Variants in MAGI2 observed in about 807,000 individuals in gnomAD.
MAGI2 encodes the protein membrane-associated guanylate kinase, WW and PDZ domain-containing protein 2.
Under a neutral mutation model 133.3 loss-of-function variants are expected in MAGI2, and 35 were observed. The ratio of observed to expected loss-of-function variants is 0.26; its 90% CI spans 0.20 to 0.35. The LOEUF (loss-of-function observed/expected upper bound fraction) is 0.35. Among genes scored for constraint, MAGI2 ranks in the 10% least tolerant of loss-of-function variants. The pLI, the probability that MAGI2 is intolerant of heterozygous loss-of-function variation, is 1.00. For synonymous variants in MAGI2, 729 were observed against 710.6 expected (o/e 1.03, Z -0.41); for missense variants, 1,636 against 1,863.4 (o/e 0.88, Z 2.25).
chr7:78,741,638 G>A (rs1036496304), intron 2 of MAGI2, among the ~76,000 whole-genome samples: 3 of 152,070 alleles, frequency 2.0e-5, no homozygotes, highest in Non-Finnish European at 4.4e-5. Context: ...AGGCTCTAGA[G>A]TTAGTGGAAT....
At chr7:79,314,384 C>T (rs1316880326) in intron 1 of MAGI2, among the ~76,000 whole-genome samples, 4 of 152,238 alleles carry the variant, frequency 2.6e-5, no homozygotes, top group African/African-American at 9.6e-5. Flanking sequence ...GCTGAGATTA[C>T]GGGAATAAGC....
At chr7:79,405,254 A>T (rs1202177490) in intron 1 of MAGI2, among the ~76,000 whole-genome samples, 1 of 152,156 alleles carries the variant, frequency 6.6e-6, no homozygotes, top group Non-Finnish European at 1.5e-5. Context: ...TTTGTTCTTG[A>T]CACAGCCATG....
intron 10 of MAGI2, among the ~76,000 whole-genome samples, chr7:78,237,742 G>C (rs998774528): frequency 2.0e-5 from 3 of 152,034 alleles, no homozygotes; most frequent in African/African-American, 7.2e-5. Context: ...GATCACCCAG[G>C]ATAATAATGA....
chr7:78,658,704 A>G (rs766277975), intron 2 of MAGI2, among the ~76,000 whole-genome samples: 1 of 152,234 alleles, frequency 6.6e-6, no homozygotes, highest in Non-Finnish European at 1.5e-5. Context: ...AAATAAGCAC[A>G]TACAATAATG....
Position 78,167,976 on chromosome 7 carries a change from G to A in MAGI2, c.2536C>T (p.His846Tyr). Residue 846 changes from histidine to tyrosine, a missense_variant, in exon 15 of 22, where the codon CAC (histidine) becomes TAC (tyrosine). Physicochemically the swap from His to Tyr is moderately conservative, Grantham distance 83. Coordinates refer to ENST00000354212, the MANE Select transcript of MAGI2 (RefSeq NM_012301.4). ...ACCTGCCCATTGCGGGCTGCGTGGT[G>A]CATGAGGTCGATGACATAGCGGTGG... ...KTHRYVIDLM[H>Y]HAARNGQVNL... 2 of 1,614,144 alleles carry A rather than the reference G, an allele frequency of 1.2e-6. No homozygotes were observed. Among genetic ancestry groups the A allele is most frequent in the Non-Finnish European group, 1.7e-6 (2 of 1,180,028 alleles).
chr7:79,135,989 A>AAGACAGAGAGAGAG (rs1281715899), intron 1 of MAGI2, among the ~76,000 whole-genome samples: 8 of 47,874 alleles, frequency 1.7e-4, no homozygotes, highest in African/African-American at 3.7e-4. Flanking sequence ...GAAAGAAAGA[A>AAGACAGAGAGAGAG]AGAAAGAAAG....
intron 1 of MAGI2, among the ~76,000 whole-genome samples, chr7:79,445,877 T>C (rs532619585): frequency 6.6e-6 from 1 of 152,340 alleles, no homozygotes; most frequent in Admixed American, 6.5e-5. Context: ...ATATGTTTAT[T>C]GTGGCACTAT....
At chr7:79,197,121 A>T (rs1425027108) in intron 1 of MAGI2, among the ~76,000 whole-genome samples, 2 of 151,698 alleles carry the variant, frequency 1.3e-5, no homozygotes, top group Admixed American at 6.6e-5. Context: ...ATCACATCTG[A>T]TGGATTCATT....
At position 78,054,641 on chromosome 7, in the gene MAGI2, C is replaced by T. The variant is rs114041576; in HGVS notation, c.3706+24306G>A. Among the ~76,000 whole-genome samples, 443 of 147,120 alleles carry T rather than the reference C, an allele frequency of 3.0e-3. 1 individual carries two copies. The highest frequency in any genetic ancestry group is 0.011 in the African/African-American group (435 of 38,444). Reference sequence around the variant, plus strand: ...TAACCTTCTGGAGGGAAGGACCTGACTTGCTATTTCACTTAATTTTTTTTT... The same window carrying T: ...TAACCTTCTGGAGGGAAGGACCTGATTTGCTATTTCACTTAATTTTTTTTT... On this transcript the variant is annotated intron_variant, in intron 21 of 21. Coordinates refer to ENST00000354212, the MANE Select transcript of MAGI2 (RefSeq NM_012301.4).
intron 1 of MAGI2, among the ~76,000 whole-genome samples, chr7:79,308,664 CAAG>C (rs1358571667): frequency 6.6e-6 from 1 of 152,054 alleles, no homozygotes; most frequent in East Asian, 1.9e-4. Flanking sequence ...ATCATAATAC[CAAG>C]AAGAACATGC....
chr7:78,906,782 G>A (rs1798020199), intron 2 of MAGI2, among the ~76,000 whole-genome samples: 1 of 152,036 alleles, frequency 6.6e-6, no homozygotes, highest in Non-Finnish European at 1.5e-5. Context: ...TTTCTAAATG[G>A]GAGCTTCATA....
intron 3 of MAGI2, among the ~76,000 whole-genome samples, chr7:78,548,262 T>G (rs181256491): frequency 6.6e-6 from 1 of 152,396 alleles, no homozygotes; most frequent in Non-Finnish European, 1.5e-5. Flanking sequence ...CTCTTCATTA[T>G]GAGAAACTTA....
chr7:78,540,988 G>C (rs1160326166), intron 3 of MAGI2, among the ~76,000 whole-genome samples: 1 of 152,154 alleles, frequency 6.6e-6, no homozygotes, highest in East Asian at 1.9e-4. Context: ...CTTTCAAAGG[G>C]TCTGTGAATT....
intron 21 of MAGI2, among the ~76,000 whole-genome samples, chr7:78,070,416 G>GTGTA (rs1814465108): frequency 6.9e-6 from 1 of 145,560 alleles, no homozygotes; most frequent in African/African-American, 2.6e-5. Flanking sequence ...ATGTGTGTGT[G>GTGTA]TATATATATA....
chr7:78,624,590 G>C (rs935598431), intron 3 of MAGI2, among the ~76,000 whole-genome samples: 26 of 152,170 alleles, frequency 1.7e-4, no homozygotes, highest in African/African-American at 6.0e-4. Context: ...AGTGGGAGTT[G>C]GTTGATGAGA....
chr7:78,947,432 T>A (rs553715392), intron 2 of MAGI2, among the ~76,000 whole-genome samples: 1 of 152,294 alleles, frequency 6.6e-6, no homozygotes, highest in East Asian at 1.9e-4. Flanking sequence ...AAAGAAGAAC[T>A]GTGCTCATAT....
Position 78,643,102 on chromosome 7 carries a change from C to A in MAGI2, c.419-15863G>T, listed in dbSNP as rs536342120. Among the ~76,000 whole-genome samples, 8 of 152,184 alleles carry A rather than the reference C, an allele frequency of 5.3e-5. No individual in the cohort carries two copies. The South Asian group carries it at 1.7e-3, about 32-fold the overall frequency. On this transcript the variant is annotated intron_variant, in intron 2 of 21. Coordinates refer to ENST00000354212, the MANE Select transcript of MAGI2 (RefSeq NM_012301.4). Reference sequence around the variant, plus strand: ...GATCATTACACATTGTATACATGTACCAAAATAACACAAGTACCTCTTAAA... The same window carrying A: ...GATCATTACACATTGTATACATGTAACAAAATAACACAAGTACCTCTTAAA...
intron 14 of MAGI2, among the ~76,000 whole-genome samples, chr7:78,172,128 CTGCGG>C (rs897960971): frequency 6.6e-6 from 1 of 152,188 alleles, no homozygotes; most frequent in African/African-American, 2.4e-5. Flanking sequence ...ATTCAAGTGG[CTGCGG>C]TGCCAGTAAG....
chr7:79,051,410 G>A (rs17407075), intron 1 of MAGI2, among the ~76,000 whole-genome samples: 9,047 of 152,172 alleles, frequency 0.059, 296 homozygotes, highest in African/African-American at 0.074. Flanking sequence ...CATTGACAGC[G>A]TCTCAGTATT....
Sources: allele counts gnomAD v4.1 joint callset (sites outside exome capture counted in the v4.1 genomes callset), GRCh38; gene constraint gnomAD v4.1.1; transcripts MANE v1.5; gene names NCBI Gene and HGNC (gene_info 2026-07-23, HGNC 2026-07-21).